Variants in PTPRD observed in about 807,000 individuals in gnomAD.
The protein encoded by PTPRD is protein tyrosine phosphatase receptor type D, also known as receptor-type tyrosine-protein phosphatase delta.
Under a neutral mutation model 214.5 loss-of-function variants are expected in PTPRD, and 34 were observed. That is an observed-to-expected ratio of 0.16 (90% CI 0.12 to 0.21). The LOEUF (loss-of-function observed/expected upper bound fraction) is 0.21, where lower values mean the gene tolerates loss of function less well. Ranked by LOEUF, PTPRD falls within the 10% of genes least tolerant of loss-of-function variation. PTPRD has a pLI of 1.00. For missense variants in PTPRD, 2,545 were observed against 2,398.7 expected (o/e 1.06, Z -1.27); for synonymous variants, 1,128 against 845.7 (o/e 1.33, Z -5.79).
chr9:9,328,785 T>C (rs141789801), intron 9 of PTPRD, among the ~76,000 whole-genome samples: 2,580 of 151,384 alleles, frequency 0.017, 72 homozygotes, highest in African/African-American at 0.06. Context: ...TACAGGTGCC[T>C]ACCACCACAT....
intron 9 of PTPRD, among the ~76,000 whole-genome samples, chr9:9,329,581 C>T (rs1235365407): frequency 6.6e-6 from 1 of 152,122 alleles, no homozygotes; most frequent in Non-Finnish European, 1.5e-5. Context: ...TCATCCTAAC[C>T]CCATAGCCTG....
At chr9:8,999,133 G>A (rs1179773150) in intron 11 of PTPRD, among the ~76,000 whole-genome samples, 2 of 152,042 alleles carry the variant, frequency 1.3e-5, no homozygotes, top group Non-Finnish European at 2.9e-5. Context: ...CAAGTTAGTT[G>A]GTAAAGCAGT....
intron 3 of PTPRD, among the ~76,000 whole-genome samples, chr9:10,188,932 G>A (rs2099350139): frequency 6.6e-6 from 1 of 152,088 alleles, no homozygotes; most frequent in Non-Finnish European, 1.5e-5. Flanking sequence ...CTTTGCCTGG[G>A]GTCACTCAGT....
chr9:8,733,899 G>T lies in PTPRD; in HGVS notation c.-56C>A. 1 of 1,510,358 alleles carries T rather than the reference G, an allele frequency of 6.6e-7. No individual in the cohort carries two copies. The highest frequency in any genetic ancestry group is 9.0e-7 in the Non-Finnish European group (1 of 1,115,074). 93.6% of individuals were successfully genotyped at this position (1,510,358 alleles called of 1,614,324 possible). ...GCTTGGAATCACTGCCTCCGGAGCC[G>T]CAGCGAGTCTGTCCGATCTGAAATT... On this transcript the variant is annotated 5_prime_UTR_variant, in exon 12 of 46. Coordinates refer to ENST00000381196, the MANE Select transcript of PTPRD (RefSeq NM_002839.4).
chr9:9,965,088 A>G (rs1218895478), intron 4 of PTPRD, among the ~76,000 whole-genome samples: 1 of 152,180 alleles, frequency 6.6e-6, no homozygotes, highest in Non-Finnish European at 1.5e-5. Flanking sequence ...GAGGATGCAC[A>G]AACACACACA....
intron 5 of PTPRD, among the ~76,000 whole-genome samples, chr9:9,824,879 G>C (rs2052152844): frequency 6.6e-6 from 1 of 151,948 alleles, no homozygotes; most frequent in South Asian, 2.1e-4. Context: ...GCACAAAAAT[G>C]AAAGGCCCAG....
chr9:9,033,643 C>T (rs956713515), intron 10 of PTPRD, among the ~76,000 whole-genome samples: 1 of 151,964 alleles, frequency 6.6e-6, no homozygotes, highest in South Asian at 2.1e-4. Flanking sequence ...CTGAATGTGC[C>T]TGTGTTTAAA....
chr9:8,331,448 C>T, intron 44 of PTPRD, 134 bp downstream of exon 44: 2 of 1,014,082 alleles, frequency 2.0e-6, no homozygotes, highest in Non-Finnish European at 2.8e-6. Context: ...AAAGAGAAAT[C>T]AATCCTGCTT....
chr9:9,772,085 G>C (rs980585918), intron 5 of PTPRD, among the ~76,000 whole-genome samples: 13 of 152,048 alleles, frequency 8.5e-5, no homozygotes, highest in African/African-American at 1.2e-4. Flanking sequence ...TTTAGAGATA[G>C]GATATTTTAA....
chr9:10,117,052 T>C (rs572029981), intron 3 of PTPRD, among the ~76,000 whole-genome samples: 29 of 152,186 alleles, frequency 1.9e-4, no homozygotes, highest in Admixed American at 3.9e-4. Flanking sequence ...ATGTTTCTTT[T>C]ACATCTACCC....
chr9:9,531,448 C>T (rs957220139), intron 8 of PTPRD, among the ~76,000 whole-genome samples: 5 of 152,006 alleles, frequency 3.3e-5, no homozygotes, highest in African/African-American at 4.8e-5. Flanking sequence ...ACTGGCAGCT[C>T]ATGATATGAT....
In PTPRD at chr9:8,786,951, CTGCAG is replaced by C. The variant is rs1454494986; in HGVS notation, c.-103-53010_-103-53006del. Among the ~76,000 whole-genome samples, 35 of 152,206 alleles carry C rather than the reference CTGCAG, an allele frequency of 2.3e-4. No homozygotes were observed. In the South Asian group the frequency reaches 7.3e-3, roughly 32 times the overall value. ...ACAGGGTCTCACTCTGCTGCCCAGGCTGCAGTGTAGTGGCAGCTGGGACTACAGGT... is the reference window on the plus strand; with the variant it reads ...ACAGGGTCTCACTCTGCTGCCCAGGCTGTAGTGGCAGCTGGGACTACAGGT... On this transcript the variant is annotated intron_variant, in intron 11 of 45. Coordinates refer to ENST00000381196, the MANE Select transcript of PTPRD (RefSeq NM_002839.4).
intron 6 of PTPRD, among the ~76,000 whole-genome samples, chr9:9,759,419 C>A (rs888407920): frequency 5.3e-5 from 8 of 152,136 alleles, no homozygotes; most frequent in African/African-American, 1.4e-4. Flanking sequence ...AGGAGCCTCC[C>A]AGTCCCTGCT....
intron 9 of PTPRD, among the ~76,000 whole-genome samples, chr9:9,301,436 G>C (rs1372420658): frequency 6.6e-6 from 1 of 151,854 alleles, no homozygotes; most frequent in Non-Finnish European, 1.5e-5. Flanking sequence ...CACAGAACTA[G>C]ACTGAGTACT....
At position 10,367,674 on chromosome 9, in the gene PTPRD, T is replaced by C. The variant is rs182788461; in HGVS notation, c.-599-26657A>G. 2.0e-4 allele frequency among the ~76,000 whole-genome samples: 31 copies of C among 152,256 alleles called. 1 individual carries two copies. The East Asian group carries it at 5.6e-3, about 27-fold the overall frequency. ...GGAGAAGAGAGTATGTAAGAAGCTGTTCTCACTTGCCACAGATGCCTTTCT... is the reference window on the plus strand; with the variant it reads ...GGAGAAGAGAGTATGTAAGAAGCTGCTCTCACTTGCCACAGATGCCTTTCT... On this transcript the variant is annotated intron_variant, in intron 2 of 45. Coordinates refer to ENST00000381196, the MANE Select transcript of PTPRD (RefSeq NM_002839.4).
In PTPRD at chr9:10,410,423, A is replaced by T. The variant is rs1035841771; in HGVS notation, c.-599-69406T>A. Among the ~76,000 whole-genome samples, 3 of 151,222 alleles carry T rather than the reference A, an allele frequency of 2.0e-5. No homozygotes were observed. The Admixed American group carries it at 2.0e-4, about 10-fold the overall frequency. ...GAGGTTTCATAATATGACTCTCAGC[A>T]GTAAGCTAGGACATCTGCTGATAGT... On this transcript the variant is annotated intron_variant, in intron 2 of 45. Transcript: ENST00000381196.
rs561445272 is a variant in PTPRD, at chr9:9,715,442, C to T, written c.-287+19091G>A. On this transcript the variant is annotated intron_variant, in intron 7 of 45. Coordinates refer to ENST00000381196, the MANE Select transcript of PTPRD (RefSeq NM_002839.4). ...TTTCATAACATTAGTGATAGAAAGC[C>T]GTATTAGTGCCTTGGTGGGAGCCAA... 4.0e-5 allele frequency among the ~76,000 whole-genome samples: 6 copies of T among 151,082 alleles called. No homozygotes were observed. The South Asian group carries it at 8.5e-4, about 21-fold the overall frequency.
chr9:9,855,584 A>G (rs554025274), intron 5 of PTPRD, among the ~76,000 whole-genome samples: 3 of 152,242 alleles, frequency 2.0e-5, no homozygotes, highest in South Asian at 2.1e-4. Context: ...GCTCTCAACA[A>G]TTTGACGGAG....
intron 11 of PTPRD, among the ~76,000 whole-genome samples, chr9:8,758,367 C>A (rs2094165007): frequency 6.6e-6 from 1 of 152,146 alleles, no homozygotes; most frequent in Admixed American, 6.5e-5. Flanking sequence ...CAGGGCTGAA[C>A]TCTGTGAGTT....
Sources: gnomAD v4.1 joint callset for allele counts (sites outside exome capture counted in the v4.1 genomes callset) on GRCh38, gnomAD v4.1.1 for gene constraint, MANE v1.5 for transcripts, NCBI Gene and HGNC (gene_info 2026-07-23, HGNC 2026-07-21) for gene names.